Variants in GABRG3 observed in about 807,000 individuals in gnomAD.
The protein encoded by GABRG3 is gamma-aminobutyric acid receptor subunit gamma-3.
GABRG3 carries 25 observed loss-of-function variants against 48.8 expected under a neutral mutation model. The ratio of observed to expected loss-of-function variants is 0.51; its 90% confidence interval spans 0.37 to 0.72. The LOEUF is 0.72. Among genes scored for constraint, GABRG3 ranks in the 30% least tolerant of loss-of-function variants. The probability of loss-of-function intolerance (pLI) is 0.00; values close to 1 mark genes in which losing one functional copy is unlikely to be tolerated. For synonymous variants in GABRG3, 227 were observed against 217.6 expected, an observed-to-expected ratio of 1.04 and a Z score of -0.38; for missense variants, 394 against 577.9, an observed-to-expected ratio of 0.68 and a Z score of 3.26.
chr15:27,170,705 C>A (rs1036648341), intron 3 of GABRG3, among the ~76,000 whole-genome samples: 1 of 152,168 alleles, frequency 6.6e-6, no homozygotes, highest in African/African-American at 2.4e-5. Context: ...ATTTTGAGAA[C>A]ATGACAGTGG....
intron 3 of GABRG3, among the ~76,000 whole-genome samples, chr15:27,144,272 G>A (rs1310819123): frequency 6.6e-6 from 1 of 152,180 alleles, no homozygotes; most frequent in African/African-American, 2.4e-5. Context: ...CCAGCTCTGA[G>A]ATATCCTTGA....
chr15:27,454,284 A>T (rs146139634), intron 5 of GABRG3, among the ~76,000 whole-genome samples: 4 of 152,312 alleles, frequency 2.6e-5, no homozygotes, highest in Non-Finnish European at 5.9e-5. Context: ...TGGATTCTGT[A>T]GTCTGTCCCT....
chr15:27,046,013 G>A (rs1896356650), intron 3 of GABRG3, among the ~76,000 whole-genome samples: 1 of 152,212 alleles, frequency 6.6e-6, no homozygotes, highest in South Asian at 2.1e-4. Context: ...AGAGCTCCGA[G>A]TTCCGAGGGA....
chr15:27,197,332 C>G (rs1888526366), intron 3 of GABRG3, among the ~76,000 whole-genome samples: 1 of 152,170 alleles, frequency 6.6e-6, no homozygotes, highest in African/African-American at 2.4e-5. Flanking sequence ...CTGCCCCAAA[C>G]AGCTTTCATG....
At chr15:27,411,635 T>C (rs981086744) in intron 5 of GABRG3, among the ~76,000 whole-genome samples, 1 of 152,220 alleles carries the variant, frequency 6.6e-6, no homozygotes, top group Non-Finnish European at 1.5e-5. Context: ...GGGGGGGATT[T>C]TCAAAGGCTT....
chr15:27,110,803 G>A (rs2140370382), intron 3 of GABRG3, among the ~76,000 whole-genome samples: 1 of 152,148 alleles, frequency 6.6e-6, no homozygotes, highest in South Asian at 2.1e-4. Context: ...CCCATCCGTG[G>A]CTTCTATCAG....
Position 27,174,711 on chromosome 15 carries a change from C to T in GABRG3, c.270+147890C>T, listed in dbSNP as rs192358770. On this transcript the variant is annotated intron_variant, in intron 3 of 9. Coordinates refer to ENST00000615808, the MANE Select transcript of GABRG3 (RefSeq NM_033223.5). Reference sequence around the variant, plus strand: ...GATACCATCATTACTCTATATGATTCTCAGATTGTCCTATCTTTGGCTAAC... The same window carrying T: ...GATACCATCATTACTCTATATGATTTTCAGATTGTCCTATCTTTGGCTAAC... Among the ~76,000 whole-genome samples, 593 of 152,122 alleles carry T rather than the reference C, an allele frequency of 3.9e-3. 2 individuals carry two copies. The highest frequency in any genetic ancestry group is 6.7e-3 in the Non-Finnish European group (455 of 68,002).
rs78272282 is a variant in GABRG3, at chr15:27,493,508, A to G, written c.712+12721A>G. 3.9e-5 allele frequency among the ~76,000 whole-genome samples: 6 copies of G among 152,314 alleles called. No homozygotes were observed. In the East Asian group the frequency reaches 1.2e-3, roughly 29 times the overall value. ...TAAAAAGTAAATGGGATTTTTCTGG[A>G]TTCTATTAGAATAAAAAAAGAAATA... is the stretch of plus-strand genomic sequence containing the variant. On this transcript the variant is annotated intron_variant, in intron 6 of 9. Transcript: ENST00000615808.
At chr15:27,342,346 G>A (rs556991940) in intron 5 of GABRG3, among the ~76,000 whole-genome samples, 1 of 152,350 alleles carries the variant, frequency 6.6e-6, no homozygotes, top group Admixed American at 6.5e-5. Context: ...GAGCAACCAT[G>A]TGAACTCAGC....
At chr15:27,195,674 C>T (rs191072740) in intron 3 of GABRG3, among the ~76,000 whole-genome samples, 39 of 151,850 alleles carry the variant, frequency 2.6e-4, no homozygotes, top group Non-Finnish European at 2.9e-5. Context: ...TCACTCTGTT[C>T]TCTAGGCTGG....
intron 3 of GABRG3, among the ~76,000 whole-genome samples, chr15:27,132,471 G>GTTTTTT (rs59023766): frequency 9.1e-4 from 36 of 39,556 alleles, no homozygotes; most frequent in African/African-American, 2.9e-3. Context: ...AGTAGTTACA[G>GTTTTTT]TTTTTTTTTT....
At chr15:27,211,437 CTT>C (rs1566966683) in intron 3 of GABRG3, among the ~76,000 whole-genome samples, 1 of 152,176 alleles carries the variant, frequency 6.6e-6, no homozygotes, top group Non-Finnish European at 1.5e-5. Flanking sequence ...AACAAATACA[CTT>C]TAGAGTAACT....
chr15:27,156,558 C>T (rs1420196299), intron 3 of GABRG3, among the ~76,000 whole-genome samples: 2 of 152,102 alleles, frequency 1.3e-5, no homozygotes, highest in African/African-American at 4.8e-5. Flanking sequence ...GTCTAATTCT[C>T]AGTCTTATTA....
chr15:27,190,024 A>G lies in GABRG3; in HGVS notation c.271-136785A>G, dbSNP rs1375857686. ...TTTGGTTCTGTTTATATGCTGGATT[A>G]CATTTATAGATTTGTGTATATTGAA... On this transcript the variant is annotated intron_variant, in intron 3 of 9. Transcript: ENST00000615808. 3.9e-5 allele frequency among the ~76,000 whole-genome samples: 6 copies of G among 152,248 alleles called. 1 individual carries two copies. The South Asian group carries it at 1.2e-3, about 32-fold the overall frequency.
chr15:27,072,542 CAG>C (rs1896845673), intron 3 of GABRG3, among the ~76,000 whole-genome samples: 1 of 152,192 alleles, frequency 6.6e-6, no homozygotes. Context: ...ATTGTTGTGA[CAG>C]ATAGACTCCA....
At chr15:26,984,323 T>C (rs1895111508) in intron 2 of GABRG3, among the ~76,000 whole-genome samples, 1 of 152,116 alleles carries the variant, frequency 6.6e-6, no homozygotes, top group African/African-American at 2.4e-5. Flanking sequence ...AGCAGGGCGA[T>C]CCATCATCAG....
chr15:26,982,970 C>T (rs889954851), intron 2 of GABRG3, among the ~76,000 whole-genome samples: 5 of 152,116 alleles, frequency 3.3e-5, no homozygotes, highest in Admixed American at 2.0e-4. Context: ...TGCTAAATCA[C>T]GTATCATTGG....
chr15:27,344,275 G>C (rs540596594), intron 5 of GABRG3, among the ~76,000 whole-genome samples: 1 of 152,254 alleles, frequency 6.6e-6, no homozygotes, highest in Non-Finnish European at 1.5e-5. Flanking sequence ...CCCAGGCCTG[G>C]TTTAAAGGAA....
intron 5 of GABRG3, among the ~76,000 whole-genome samples, chr15:27,389,356 C>T (rs1896151033): frequency 6.6e-6 from 1 of 152,146 alleles, no homozygotes; most frequent in African/African-American, 2.4e-5. Context: ...TCTTTGTGAA[C>T]ATAACTTAAT....
Sources: allele counts gnomAD v4.1 joint callset (sites outside exome capture counted in the v4.1 genomes callset), GRCh38; gene constraint gnomAD v4.1.1; transcripts MANE v1.5; gene names NCBI Gene and HGNC (gene_info 2026-07-23, HGNC 2026-07-21).